PVT1: variants seen among roughly 807,000 people sequenced by gnomAD.
PVT1 encodes Pvt1 oncogene.
At chr8:127,864,500 C>A (rs906358835) in intron 2 of PVT1, among the ~76,000 whole-genome samples, 1 of 152,146 alleles carries the variant, frequency 6.6e-6, no homozygotes, top group African/African-American at 2.4e-5. Flanking sequence ...TTCTCTTATT[C>A]TTTTCCTGTT....
rs141565323 is a variant in PVT1, at chr8:127,811,290, T to A, written n.372+15219T>A. ...ATAAACTCTCCTGATTTTTAAATGT[T>A]TTCAGTTAAGTTTTTAAAGGAACAT... On this transcript the variant is annotated intron_variant and non_coding_transcript_variant, in intron 2 of 10. Transcript: ENST00000651587. Among the ~76,000 whole-genome samples the A allele has an allele frequency of 4.2e-4, 64 of 152,314 alleles. No individual in the cohort carries two copies. The East Asian group carries it at 0.012, about 29-fold the overall frequency.
intron 4 of PVT1, among the ~76,000 whole-genome samples, chr8:128,044,126 G>A (rs1421839514): frequency 6.6e-6 from 1 of 150,842 alleles, no homozygotes; most frequent in African/African-American, 2.4e-5. Context: ...TGAGACTACA[G>A]GTATGAGTCA....
At chr8:128,011,644 G>A (rs1219555868) in intron 4 of PVT1, among the ~76,000 whole-genome samples, 1 of 152,176 alleles carries the variant, frequency 6.6e-6, no homozygotes, top group Admixed American at 6.5e-5. Flanking sequence ...CTTCCAAATG[G>A]AGAAATACAA....
intron 3 of PVT1, among the ~76,000 whole-genome samples, chr8:127,988,486 G>T (rs1407395220): frequency 6.6e-6 from 1 of 152,220 alleles, no homozygotes; most frequent in East Asian, 1.9e-4. Flanking sequence ...TAGCCTAGAA[G>T]GGTGGCCCCT....
chr8:127,969,722 C>G (rs1816742354), intron 3 of PVT1, among the ~76,000 whole-genome samples: 1 of 152,152 alleles, frequency 6.6e-6, no homozygotes. Flanking sequence ...TAAATGATTG[C>G]TGAGTGGATG....
chr8:128,080,658 C>G (rs1365123952), intron 5 of PVT1, among the ~76,000 whole-genome samples: 1 of 152,086 alleles, frequency 6.6e-6, no homozygotes, highest in Non-Finnish European at 1.5e-5. Context: ...CAGTCAATGC[C>G]TTGTCTTTTC....
chr8:128,061,258 A>G (rs1342720586), intron 4 of PVT1, among the ~76,000 whole-genome samples: 1 of 152,212 alleles, frequency 6.6e-6, no homozygotes, highest in Non-Finnish European at 1.5e-5. Context: ...CACAGAATAT[A>G]TGGTCTTTTG....
chr8:127,972,656 T>A (rs1415052401), intron 3 of PVT1, among the ~76,000 whole-genome samples: 1 of 152,060 alleles, frequency 6.6e-6, no homozygotes, highest in East Asian at 1.9e-4. Context: ...GGAGGATCAC[T>A]TGAACCCAGG....
intron 3 of PVT1, among the ~76,000 whole-genome samples, chr8:127,959,055 G>A (rs1335442959): frequency 6.6e-6 from 1 of 151,974 alleles, no homozygotes; most frequent in Non-Finnish European, 1.5e-5. Context: ...GGGTGGGGTG[G>A]GGTAGGTGGG....
chr8:127,923,495 T>C (rs886933399), intron 3 of PVT1, among the ~76,000 whole-genome samples: 2 of 152,222 alleles, frequency 1.3e-5, no homozygotes, highest in Non-Finnish European at 2.9e-5. Context: ...AAGGCGTTCC[T>C]GGTCTGAGTG....
At chr8:128,021,497 G>A (rs1282788587) in intron 4 of PVT1, among the ~76,000 whole-genome samples, 1 of 151,968 alleles carries the variant, frequency 6.6e-6, no homozygotes, top group Non-Finnish European at 1.5e-5. Context: ...GTTTCACCAT[G>A]TTAGCCAGGA....
chr8:127,977,962 G>C (rs978971742), intron 3 of PVT1, among the ~76,000 whole-genome samples: 2 of 152,164 alleles, frequency 1.3e-5, no homozygotes, highest in Non-Finnish European at 2.9e-5. Context: ...CCCATGCATT[G>C]CTGGGCTATC....
rs531966453 is a variant in PVT1, at chr8:127,817,290, T to A, written n.372+21219T>A. Among the ~76,000 whole-genome samples, 21 of 151,108 alleles carry A rather than the reference T, an allele frequency of 1.4e-4. No homozygotes were observed. In the South Asian group the frequency reaches 4.4e-3, roughly 32 times the overall value. The stretch of plus-strand genomic sequence containing the variant: ...TTGCCTCATTTTATTACTTAGTTCA[T>A]TATGCAATGAACTTAACATCTGTCT... On this transcript the variant is annotated intron_variant and non_coding_transcript_variant, in intron 2 of 10. Transcript: ENST00000651587.
At chr8:128,008,435 A>G (rs1817273043) in intron 4 of PVT1, among the ~76,000 whole-genome samples, 1 of 152,228 alleles carries the variant, frequency 6.6e-6, no homozygotes, top group African/African-American at 2.4e-5. Flanking sequence ...AACTGATGCA[A>G]AAATGTATGT....
chr8:127,861,053 C>A (rs1200164147), intron 2 of PVT1, among the ~76,000 whole-genome samples: 1 of 152,178 alleles, frequency 6.6e-6, no homozygotes, highest in Non-Finnish European at 1.5e-5. Context: ...TACCTCACCT[C>A]TTCCTGGTGA....
intron 2 of PVT1, among the ~76,000 whole-genome samples, chr8:127,877,150 G>C (rs1377957278): frequency 3.9e-5 from 6 of 152,182 alleles, no homozygotes; most frequent in Admixed American, 3.9e-4. Flanking sequence ...CTGAGACAGC[G>C]GGAGCTCAGA....
intron 3 of PVT1, among the ~76,000 whole-genome samples, chr8:127,921,641 A>C (rs1280569393): frequency 6.6e-6 from 1 of 151,822 alleles, no homozygotes; most frequent in African/African-American, 2.4e-5. Context: ...TCGAAACCCC[A>C]TCTCTATTAA....
chr8:128,098,938 TGTGA>T (rs1247854189), intron 6 of PVT1, among the ~76,000 whole-genome samples: 1 of 152,220 alleles, frequency 6.6e-6, no homozygotes, highest in African/African-American at 2.4e-5. Context: ...TGCTAACATT[TGTGA>T]GTGAGTTACT....
intron 4 of PVT1, among the ~76,000 whole-genome samples, chr8:128,061,883 G>T (rs1813835632): frequency 6.6e-6 from 1 of 152,172 alleles, no homozygotes; most frequent in African/African-American, 2.4e-5. Context: ...TGTGACTTAT[G>T]CCCGATTTTT....
Sources: gnomAD v4.1 joint callset for allele counts (sites outside exome capture counted in the v4.1 genomes callset) on GRCh38, gnomAD v4.1.1 for gene constraint, MANE v1.5 for transcripts, NCBI Gene and HGNC (gene_info 2026-07-23, HGNC 2026-07-21) for gene names.